Variants in MCM6 observed in about 807,000 individuals in gnomAD.
MCM6 encodes DNA replication licensing factor MCM6.
Under a neutral mutation model 94.3 loss-of-function variants are expected in MCM6, and 46 were observed. The observed-to-expected ratio is 0.49, with a 90% CI of 0.39 to 0.62. MCM6 has a LOEUF of 0.62. MCM6 is among the 20% of genes least tolerant of loss of function. The pLI is 0.00. For synonymous variants in MCM6, 335 were observed against 351.9 expected (o/e 0.95, Z 0.54); for missense variants, 865 against 1,017.9 (o/e 0.85, Z 2.04).
intron 2 of MCM6, among the ~76,000 whole-genome samples, chr2:135,872,083 AAGTAC>A (rs1680211355): frequency 6.6e-6 from 1 of 152,214 alleles, no homozygotes; most frequent in African/African-American, 2.4e-5. Flanking sequence ...AAAAGTAAGT[AAGTAC>A]AGTTTTCCTC....
chr2:135,851,520 T>C lies in MCM6; in HGVS notation c.1799A>G (p.His600Arg). ...SEDFIVEQYK[H>R]LRQRDGSGVT... ...TCCAGAACCATCTCTCTGGCGGAGA[T>C]GTTTATATTGCTCCACAATGAAGTC... Residue 600 changes from histidine to arginine, a missense_variant, in exon 13 of 17, where the codon CAT becomes CGT. By Grantham distance (29) the His-to-Arg change is conservative. This residue lies in a region of MCM6 where 308 missense variants were observed against 324.5 expected (regional missense o/e 0.95). Coordinates refer to ENST00000264156, the MANE Select transcript of MCM6 (RefSeq NM_005915.6). The C allele has an allele frequency of 6.2e-7, 1 of 1,612,930 alleles. No homozygotes were observed. The highest frequency in any genetic ancestry group is 8.5e-7 in the Non-Finnish European group (1 of 1,179,594).
chr2:135,848,847 T>C (rs1024533389), intron 13 of MCM6, among the ~76,000 whole-genome samples: 1 of 152,012 alleles, frequency 6.6e-6, no homozygotes, highest in East Asian at 1.9e-4. Context: ...ATTGTGACAC[T>C]GCACTCCAGC....
intron 9 of MCM6, among the ~76,000 whole-genome samples, chr2:135,858,603 C>A (rs1458715575): frequency 6.6e-6 from 1 of 151,914 alleles, no homozygotes; most frequent in Non-Finnish European, 1.5e-5. Context: ...AGATTCTTAA[C>A]TCCCTTTTCT....
chr2:135,865,088 C>T lies in MCM6; in HGVS notation c.1003G>A (p.Glu335Lys), dbSNP rs776145756. Residue 335 changes from glutamate (E) to lysine (K), a missense_variant, in exon 7 of 17, where the codon GAG (glutamate) becomes AAG (lysine). Glu to Lys is a moderately conservative substitution (Grantham distance 56, BLOSUM62 1). This residue lies in a region of MCM6 where 404 missense variants were observed against 451.9 expected (regional missense o/e 0.89). Transcript: ENST00000264156. ...IKNQMTVKEW[E>K]KVFEMSQDKN... ...TCTTGACTCATCTCAAACACTTTCT[C>T]CCATTCTTTCACAGTCATTTGGTTC... 1 of 1,583,204 alleles carries T rather than the reference C, an allele frequency of 6.3e-7. No homozygotes were observed. The highest frequency in any genetic ancestry group is 2.3e-5 in the East Asian group (1 of 43,952).
chr2:135,871,870 C>G (rs1425603697), intron 2 of MCM6, among the ~76,000 whole-genome samples: 1 of 152,182 alleles, frequency 6.6e-6, no homozygotes, highest in Non-Finnish European at 1.5e-5. Context: ...TGGTGGATTA[C>G]AAGTGTATAA....
intron 2 of MCM6, 25 bp downstream of exon 2, chr2:135,872,672 G>A (rs370602239): frequency 6.2e-7 from 1 of 1,610,986 alleles, no homozygotes; most frequent in Non-Finnish European, 8.5e-7. Context: ...CCTATTCAAA[G>A]TAAAGAAGAT....
At position 135,855,358 on chromosome 2, in the gene MCM6, G is replaced by GAACCAAACCAAACCA. The variant is rs4988223; in HGVS notation, c.1626+1355_1626+1369dup. ...TCTCTCTTGTGAAGGGAAAAAAAGT[G>GAACCAAACCAAACCA]AACCAAACCAAACCAAACCAAACCA... is the stretch of plus-strand genomic sequence containing the variant. On this transcript the variant is annotated intron_variant, in intron 11 of 16. Coordinates refer to ENST00000264156, the MANE Select transcript of MCM6 (RefSeq NM_005915.6). Among the ~76,000 whole-genome samples, 8 of 151,968 alleles carry GAACCAAACCAAACCA rather than the reference G, an allele frequency of 5.3e-5. No individual in the cohort carries two copies. In the South Asian group the frequency reaches 1.7e-3, roughly 32 times the overall value.
intron 1 of MCM6, among the ~76,000 whole-genome samples, chr2:135,875,482 T>C (rs2105595602): frequency 6.6e-6 from 1 of 152,200 alleles, no homozygotes; most frequent in Middle Eastern, 3.4e-3. Context: ...TTGTTATGTA[T>C]ATTTTACTAA....
intron 9 of MCM6, among the ~76,000 whole-genome samples, chr2:135,858,666 T>G (rs148360470): frequency 6.6e-6 from 1 of 152,272 alleles, no homozygotes; most frequent in East Asian, 1.9e-4. Flanking sequence ...ACAATTGACT[T>G]AAAACTAAGA....
At position 135,873,171 on chromosome 2, in the gene MCM6, C is replaced by G. The variant is rs1355239335; in HGVS notation, c.108-328G>C. Among the ~76,000 whole-genome samples, 3 of 152,178 alleles carry G rather than the reference C, an allele frequency of 2.0e-5. No individual in the cohort carries two copies. In the East Asian group the frequency reaches 5.8e-4, roughly 29 times the overall value. ...AAAGAGGAGTTCCTCTGCACAAGCTCTCTTTGCCTGATGCCATCCACGTAA... is the reference window on the plus strand; with the variant it reads ...AAAGAGGAGTTCCTCTGCACAAGCTGTCTTTGCCTGATGCCATCCACGTAA... On this transcript the variant is annotated intron_variant, in intron 1 of 16. Transcript: ENST00000264156.
chr2:135,843,564 C>G (rs758948753), intron 16 of MCM6, among the ~76,000 whole-genome samples: 35 of 151,348 alleles, frequency 2.3e-4, no homozygotes, highest in Non-Finnish European at 4.6e-4. Context: ...AAAACCCCAT[C>G]TCTACTAAAA....
At chr2:135,871,853 A>C (rs1680207832) in intron 2 of MCM6, among the ~76,000 whole-genome samples, 1 of 152,246 alleles carries the variant, frequency 6.6e-6, no homozygotes, top group Admixed American at 6.5e-5. Flanking sequence ...AGATCTGCTA[A>C]TGACGGTGGT....
Position 135,852,819 on chromosome 2 carries a change from A to G in MCM6, c.1723T>C (p.Tyr575His). ...TTAAACTGTCTTGCAAAGAGAAGATATCTTCTGATATCATCGAGGGAATAG... is the reference window on the plus strand; with the variant it reads ...TTAAACTGTCTTGCAAAGAGAAGATGTCTTCTGATATCATCGAGGGAATAG... Reference protein sequence around the residue: ...RVYSLDDIRRYLLFARQFKPK... With the variant: ...RVYSLDDIRRHLLFARQFKPK... The change falls in exon 12 of 17, where the codon TAT becomes CAT. Residue 575 changes from tyrosine to histidine, a missense_variant. Around this residue, in one of 3 missense-constraint regions of MCM6, gnomAD observed 308 missense variants for 324.5 expected, o/e 0.95. Coordinates refer to ENST00000264156, the MANE Select transcript of MCM6 (RefSeq NM_005915.6). 1 of 1,606,834 alleles carries G rather than the reference A, an allele frequency of 6.2e-7. No homozygotes were observed. The highest frequency in any genetic ancestry group is 1.1e-5 in the South Asian group (1 of 89,764).
At position 135,865,019 on chromosome 2, in the gene MCM6, T is replaced by C. The variant is rs1161214510; in HGVS notation, c.1072A>G (p.Ile358Val). 1.4e-6 allele frequency: 2 copies of C among 1,447,796 alleles called. No individual in the cohort carries two copies. Among genetic ancestry groups the C allele is most frequent in the Non-Finnish European group, 1.8e-6 (2 of 1,095,748 alleles). 89.7% of individuals were successfully genotyped at this position (1,447,796 alleles called of 1,614,324 possible). Residue 358 changes from isoleucine to valine, a missense_variant, in exon 7 of 17, where the codon ATA (isoleucine) becomes GTA (valine). Ile to Val is a conservative substitution (Grantham distance 29). This residue lies in a region of MCM6 where 404 missense variants were observed against 451.9 expected (regional missense o/e 0.89). Coordinates refer to ENST00000264156, the MANE Select transcript of MCM6 (RefSeq NM_005915.6). ...AAATGGATGGAATTCTTACCATGTA[T>C]AGTAGGGAACAGGCTGGTACAAAGA... ...HNLCTSLFPTIHGNDEVKRGV... is the reference protein window; with the variant it reads ...HNLCTSLFPTVHGNDEVKRGV...
At position 135,866,554 on chromosome 2, in the gene MCM6, A is replaced by T; in HGVS notation, c.781+9T>A. On this transcript the variant is annotated intron_variant, in intron 5 of 16. Coordinates refer to ENST00000264156, the MANE Select transcript of MCM6 (RefSeq NM_005915.6). ...AGAATTTGTTAAATTTGAGCCACAG[A>T]TTACTGACCTGGTGTGCTAAGCTTG... The T allele has an allele frequency of 4.4e-6, 7 of 1,602,464 alleles. No individual in the cohort carries two copies. The highest frequency in any genetic ancestry group is 6.0e-6 in the Non-Finnish European group (7 of 1,175,888).
At chr2:135,857,763 G>A (rs989541554) in intron 10 of MCM6, 134 bp downstream of exon 10, 4 of 650,968 alleles carry the variant, frequency 6.1e-6, no homozygotes, top group Admixed American at 2.7e-5. Flanking sequence ...ATAATTCTCA[G>A]GGCTGTATTT....
rs775198058 is a variant in MCM6, at chr2:135,866,164, G to A, written c.895C>T (p.Leu299Phe). Residue 299 changes from leucine to phenylalanine, a missense_variant, in exon 6 of 17, where the codon CTT becomes TTT. Physicochemically the swap from Leu to Phe is conservative, Grantham distance 22 (BLOSUM62 0). Coordinates refer to ENST00000264156, the MANE Select transcript of MCM6 (RefSeq NM_005915.6). ...VRDLSYRLVFLACCVAPTNPR... is the reference protein window; with the variant it reads ...VRDLSYRLVFFACCVAPTNPR... ...TTGGTTGGCGCAACACAGCAGGCAAGAAAGACCAGCCTATAAGAAAGGTCC... is the reference window on the plus strand; with the variant it reads ...TTGGTTGGCGCAACACAGCAGGCAAAAAAGACCAGCCTATAAGAAAGGTCC... The A allele has an allele frequency of 6.2e-7, 1 of 1,614,132 alleles. No individual in the cohort carries two copies. The highest frequency in any genetic ancestry group is 8.5e-7 in the Non-Finnish European group (1 of 1,180,018).
chr2:135,866,186 G>C lies in MCM6; in HGVS notation c.873C>G (p.Asp291Glu). 2 of 1,614,148 alleles carry C rather than the reference G, an allele frequency of 1.2e-6. No homozygotes were observed. Among genetic ancestry groups the C allele is most frequent in the Non-Finnish European group, 1.7e-6 (2 of 1,180,026 alleles). The stretch of plus-strand genomic sequence containing the variant: ...CAAGAAAGACCAGCCTATAAGAAAG[G>C]TCCCTAACACCAAGGGCCCGGAGTC... ...IRGLRALGVR[D>E]LSYRLVFLAC... The change falls in exon 6 of 17, where the codon GAC becomes GAG. Residue 291 changes from aspartate to glutamate, a missense_variant. Coordinates refer to ENST00000264156, the MANE Select transcript of MCM6 (RefSeq NM_005915.6).
chr2:135,866,780 T>C (rs1680102431), intron 4 of MCM6, 52 bp from the exon 5 acceptor site: 1 of 1,440,800 alleles, frequency 6.9e-7, no homozygotes, highest in Admixed American at 2.2e-5. Context: ...ACCTTTCAGA[T>C]GCCATATAAT....
Sources: allele counts gnomAD v4.1 joint callset (sites outside exome capture counted in the v4.1 genomes callset), GRCh38; gene constraint gnomAD v4.1.1; regional missense constraint gnomAD v4.1.1; transcripts MANE v1.5; gene names NCBI Gene and HGNC (gene_info 2026-07-23, HGNC 2026-07-21).